Variants in PRAG1 observed in about 807,000 individuals in gnomAD.
The protein encoded by PRAG1 is inactive tyrosine-protein kinase PRAG1.
A neutral mutation model predicts 95.6 loss-of-function variants in PRAG1; 110 were observed. The observed-to-expected ratio is 1.15, with a 90% confidence interval of 0.99 to 1.35. PRAG1 has a LOEUF of 1.35. PRAG1 is among the 40% of genes most tolerant of loss of function. The pLI is 0.00. For missense variants in PRAG1, 2,554 were observed against 1,864.7 expected (o/e 1.37, Z -6.81); for synonymous variants, 1,052 against 819.4 (o/e 1.28, Z -4.85).
chr8:8,319,240 A>C lies in PRAG1; in HGVS notation c.3135T>G (p.Phe1045Leu). 1.9e-6 allele frequency: 3 copies of C among 1,560,736 alleles called. No homozygotes were observed. The highest frequency in any genetic ancestry group is 1.7e-6 in the Non-Finnish European group (2 of 1,147,756). Residue 1045 changes from phenylalanine (F) to leucine (L), a missense_variant, in exon 6 of 6, where the codon TTT (phenylalanine) becomes TTG (leucine). Transcript: ENST00000615670. ...AGTGGCCGCAGTCCTGCTGGATGTT[A>C]AAGTGCACGGGCACGGACGGGCTGC... ...SYCSPSVPVH[F>L]NIQQDCGHFV...
chr8:8,323,902 T>C (rs992690339), intron 5 of PRAG1, among the ~76,000 whole-genome samples: 2 of 152,174 alleles, frequency 1.3e-5, no homozygotes, highest in African/African-American at 4.8e-5. Flanking sequence ...GAATTACACA[T>C]AAATTTGAGC....
At chr8:8,339,871 A>T (rs532492295) in intron 3 of PRAG1, among the ~76,000 whole-genome samples, 1 of 152,322 alleles carries the variant, frequency 6.6e-6, no homozygotes, top group Non-Finnish European at 1.5e-5. Context: ...TTAAATTTAA[A>T]CAAGCACCAA....
chr8:8,335,824 C>T (rs1430627953), intron 4 of PRAG1, among the ~76,000 whole-genome samples: 1 of 152,150 alleles, frequency 6.6e-6, no homozygotes, highest in East Asian at 1.9e-4. Context: ...AGAATGTAAG[C>T]CCCTTGAAGG....
At chr8:8,369,993 T>C (rs949069826) in intron 3 of PRAG1, among the ~76,000 whole-genome samples, 2 of 152,214 alleles carry the variant, frequency 1.3e-5, no homozygotes, top group Non-Finnish European at 2.9e-5. Flanking sequence ...AGTAACTGGC[T>C]TTTTAGCGCC....
intron 4 of PRAG1, among the ~76,000 whole-genome samples, chr8:8,338,888 T>G (rs1445770550): frequency 6.6e-6 from 1 of 152,156 alleles, no homozygotes; most frequent in Non-Finnish European, 1.5e-5. Flanking sequence ...ATATGACCCA[T>G]CCAGGCCACA....
At chr8:8,380,624 G>C (rs144042102) in intron 2 of PRAG1, among the ~76,000 whole-genome samples, 1 of 152,036 alleles carries the variant, frequency 6.6e-6, no homozygotes, top group East Asian at 1.9e-4. Flanking sequence ...GGAAGGCCGA[G>C]GTGGGCAGAT....
intron 5 of PRAG1, among the ~76,000 whole-genome samples, chr8:8,319,668 T>A (rs1290414679): frequency 1.3e-5 from 2 of 152,162 alleles, no homozygotes; most frequent in African/African-American, 4.8e-5. Context: ...TTTCTGGAAT[T>A]TGTATTAAAA....
At position 8,328,398 on chromosome 8, in the gene PRAG1, G is replaced by A. The variant is rs201115647; in HGVS notation, c.2384C>T (p.Pro795Leu). The change falls in exon 5 of 6, where the codon CCG becomes CTG. Residue 795 changes from proline to leucine, a missense_variant. Pro to Leu is a moderately conservative substitution (Grantham distance 98, BLOSUM62 -3). Transcript: ENST00000615670. ...NSGKKLFAPV[P>L]FPSGSTEDVS... is the part of the protein sequence containing the mutation. ...GTCCTCAGTGGAGCCTGAAGGAAAC[G>A]GAACGGGAGCAAAGAGCTTCTTCCC... 2.7e-4 allele frequency: 438 copies of A among 1,613,638 alleles called. No individual in the cohort carries two copies. The highest frequency in any genetic ancestry group is 7.6e-4 in the East Asian group (34 of 44,878).
chr8:8,329,990 A>G (rs1168888095), intron 4 of PRAG1, among the ~76,000 whole-genome samples: 1 of 152,226 alleles, frequency 6.6e-6, no homozygotes, highest in African/African-American at 2.4e-5. Context: ...CAATGGATTC[A>G]TGCAAAGAAA....
Position 8,318,083 on chromosome 8 carries a change from G to C in PRAG1, c.*71C>G. 1 of 1,461,268 alleles carries C rather than the reference G, an allele frequency of 6.8e-7. No homozygotes were observed. Among genetic ancestry groups the C allele is most frequent in the Non-Finnish European group, 9.2e-7 (1 of 1,092,096 alleles). 90.5% of individuals were successfully genotyped at this position (1,461,268 alleles called of 1,614,324 possible). A position where few individuals can be genotyped will look rare whatever the true frequency, so the allele number is the denominator to read the frequency against. On this transcript the variant is annotated 3_prime_UTR_variant, in exon 6 of 6. Coordinates refer to ENST00000615670, the MANE Select transcript of PRAG1 (RefSeq NM_001080826.3). This position sits in a 1 kb window ranked among gnomAD's most constrained non-coding sequence, Gnocchi z 4.2. ...CTGTACCATTTCCCAGGGAGACATGGGTGCTTCCAAGGCGAGACAGGAAAG... is the reference window on the plus strand; with the variant it reads ...CTGTACCATTTCCCAGGGAGACATGCGTGCTTCCAAGGCGAGACAGGAAAG...
intron 3 of PRAG1, among the ~76,000 whole-genome samples, chr8:8,360,733 A>T (rs1254622559): frequency 1.3e-5 from 2 of 152,252 alleles, no homozygotes; most frequent in African/African-American, 4.8e-5. Context: ...TTAGTCCAAG[A>T]ATCTCATAGG....
intron 2 of PRAG1, among the ~76,000 whole-genome samples, chr8:8,379,429 A>C (rs564029912): frequency 1.3e-5 from 2 of 152,212 alleles, no homozygotes; most frequent in Non-Finnish European, 2.9e-5. Context: ...GGTGATTCTG[A>C]GCTTAAAGAG....
chr8:8,344,442 G>A (rs557623284), intron 3 of PRAG1, among the ~76,000 whole-genome samples: 23 of 152,246 alleles, frequency 1.5e-4, no homozygotes, highest in African/African-American at 5.5e-4. Context: ...CATGTTTTAC[G>A]GAGCACATAA....
At position 8,377,036 on chromosome 8, in the gene PRAG1, C is replaced by A. The variant is rs775665523; in HGVS notation, c.1373G>T (p.Gly458Val). 35 of 1,613,860 alleles carry A rather than the reference C, an allele frequency of 2.2e-5. No individual in the cohort carries two copies. The Admixed American group carries it at 5.7e-4, about 26-fold the overall frequency. ...GNAWAQKAAS[G>V]WGRDSPDPTP... ...TGGGTCTGGGCTGTCCCGGCCCCAG[C>A]CAGATGCTGCTTTCTGGGCCCAGGC... Residue 458 changes from glycine (G) to valine (V), a missense_variant, in exon 3 of 6, where the codon GGC (glycine) becomes GTC (valine). Coordinates refer to ENST00000615670, the MANE Select transcript of PRAG1 (RefSeq NM_001080826.3).
Position 8,377,071 on chromosome 8 carries a change from G to A in PRAG1, c.1338C>T (p.Cys446=), listed in dbSNP as rs754517031. 1 of 1,613,980 alleles carries A rather than the reference G, an allele frequency of 6.2e-7. No homozygotes were observed. The highest frequency in any genetic ancestry group is 2.2e-5 in the East Asian group (1 of 44,876). ...AAAAQGQGQV[C]TGNAWAQKAA... ...CTTTCTGGGCCCAGGCATTACCTGT[G>A]CATACCTGGCCTTGGCCCTGGGCAG... The change falls in exon 3 of 6, where the codon TGC becomes TGT. Residue 446 remains cysteine, a synonymous_variant. Coordinates refer to ENST00000615670, the MANE Select transcript of PRAG1 (RefSeq NM_001080826.3).
rs1455521173 is a variant in PRAG1, at chr8:8,318,990, G to A, written c.3385C>T (p.Leu1129Phe). 1.2e-6 allele frequency: 2 copies of A among 1,613,488 alleles called. No individual in the cohort carries two copies. The highest frequency in any genetic ancestry group is 3.3e-5 in the Admixed American group (2 of 60,010). Reference protein sequence around the residue: ...ERRVCFLLLQLCNGLEHLKEH... With the variant: ...ERRVCFLLLQFCNGLEHLKEH... ...TTCAGGTGCTCCAGCCCGTTGCAGA[G>A]TTGCAGAAGCAGGAAGCACACGCGC... The change falls in exon 6 of 6, where the codon CTC becomes TTC. Residue 1129 changes from leucine (L) to phenylalanine (F), a missense_variant. Transcript: ENST00000615670. This position sits in a 1 kb window ranked among gnomAD's most constrained non-coding sequence, Gnocchi z 4.2.
intron 3 of PRAG1, among the ~76,000 whole-genome samples, chr8:8,361,250 TA>T (rs1799836855): frequency 6.6e-6 from 1 of 152,210 alleles, no homozygotes; most frequent in Non-Finnish European, 1.5e-5. Flanking sequence ...AGATTCTGAA[TA>T]TCCTTTTTAC....
intron 3 of PRAG1, among the ~76,000 whole-genome samples, chr8:8,340,085 G>T (rs769676617): frequency 1.3e-5 from 2 of 152,206 alleles, no homozygotes; most frequent in Non-Finnish European, 2.9e-5. Context: ...TTACAAGTGG[G>T]ATTTCTTTTT....
At chr8:8,369,696 A>C (rs527820798) in intron 3 of PRAG1, among the ~76,000 whole-genome samples, 1 of 129,316 alleles carries the variant, frequency 7.7e-6, no homozygotes, top group East Asian at 2.6e-4. Context: ...GTAAAAAATA[A>C]ACTTTTTTTT....
Sources: gnomAD v4.1 joint callset for allele counts (sites outside exome capture counted in the v4.1 genomes callset) on GRCh38, gnomAD v4.1.1 for gene constraint, Gnocchi (gnomAD v3.1) non-coding constraint, MANE v1.5 for transcripts, NCBI Gene and HGNC (gene_info 2026-07-23, HGNC 2026-07-21) for gene names.